Variants in PCDH7 observed in about 807,000 individuals in gnomAD.
The protein encoded by PCDH7 is protocadherin 7.
In PCDH7, 17 loss-of-function variants were observed where a neutral mutation model predicts 58.9. The ratio of observed to expected loss-of-function variants is 0.29; its 90% CI spans 0.20 to 0.43. The LOEUF is 0.43. Among genes scored for constraint, PCDH7 ranks in the 20% least tolerant of loss-of-function variants. The pLI is 1.00. For synonymous variants in PCDH7, 664 were observed against 616.4 expected (o/e 1.08, Z -1.14); for missense variants, 1,274 against 1,441.0 (o/e 0.88, Z 1.88).
At chr4:30,790,264 T>A (rs1394805616) in intron 1 of PCDH7, among the ~76,000 whole-genome samples, 3 of 152,178 alleles carry the variant, frequency 2.0e-5, no homozygotes, top group Admixed American at 6.5e-5. Context: ...CTCTTAATAT[T>A]CTTGTTAACC....
chr4:30,965,687 TA>T (rs1159120543), intron 3 of PCDH7, among the ~76,000 whole-genome samples: 1 of 151,970 alleles, frequency 6.6e-6, no homozygotes, highest in South Asian at 2.1e-4. Context: ...TTTAAAGAAA[TA>T]AAAAAGAGTA....
At chr4:30,872,463 G>T (rs1735743696) in intron 1 of PCDH7, among the ~76,000 whole-genome samples, 1 of 152,020 alleles carries the variant, frequency 6.6e-6, no homozygotes, top group African/African-American at 2.4e-5. Flanking sequence ...TATTGAATTT[G>T]ACCTGTGGGC....
chr4:31,134,516 G>A (rs1227041208), intron 3 of PCDH7, among the ~76,000 whole-genome samples: 2 of 151,996 alleles, frequency 1.3e-5, no homozygotes. Flanking sequence ...TTAGATCCTG[G>A]GTTATTGCTT....
chr4:30,807,395 A>T (rs971357153), intron 1 of PCDH7, among the ~76,000 whole-genome samples: 2 of 152,194 alleles, frequency 1.3e-5, no homozygotes, highest in African/African-American at 4.8e-5. Flanking sequence ...CGAAGCAATG[A>T]TACCTATTTT....
intron 3 of PCDH7, among the ~76,000 whole-genome samples, chr4:31,120,835 T>A (rs2109323327): frequency 6.6e-6 from 1 of 152,272 alleles, no homozygotes; most frequent in African/African-American, 2.4e-5. Flanking sequence ...TTGGTATCTG[T>A]TTCTTATTTT....
intron 3 of PCDH7, among the ~76,000 whole-genome samples, chr4:30,984,558 G>A (rs571299668): frequency 3.3e-5 from 5 of 152,104 alleles, no homozygotes; most frequent in Non-Finnish European, 7.4e-5. Flanking sequence ...TTCTGTGATC[G>A]TTACTGTAAG....
At chr4:31,146,360 A>C, downstream of PCDH7, 1 of 151,356 alleles carries the variant, frequency 6.6e-6, no homozygotes, top group Admixed American at 6.6e-5. Context: ...AAAATAAATA[A>C]ATAAATAAAT....
At chr4:30,938,341 T>G (rs938653793) in intron 2 of PCDH7, among the ~76,000 whole-genome samples, 4 of 152,170 alleles carry the variant, frequency 2.6e-5, no homozygotes, top group Non-Finnish European at 5.9e-5. Flanking sequence ...TATGCATTTC[T>G]AAACAAATTT....
chr4:30,725,104 G>T, intron 1 of PCDH7: 1 of 1,000,386 alleles, frequency 1.0e-6, no homozygotes. Context: ...TCATGCAGAT[G>T]TAGTACTAAG....
intron 3 of PCDH7, among the ~76,000 whole-genome samples, chr4:30,970,581 C>T (rs1188956210): frequency 6.6e-6 from 1 of 152,204 alleles, no homozygotes; most frequent in Non-Finnish European, 1.5e-5. Context: ...GCATAAGCCA[C>T]CGCTCCCGGC....
rs1051339740 is a variant in PCDH7, at chr4:31,097,938, A to G, written c.*8-44535A>G. On this transcript the variant is annotated intron_variant, in intron 3 of 3. Transcript: ENST00000509759. Reference sequence around the variant, plus strand: ...TTATCCTTTCTAAGGAAATATTTACATGCATCAAGATAAGGTGATTCTTAA... The same window carrying G: ...TTATCCTTTCTAAGGAAATATTTACGTGCATCAAGATAAGGTGATTCTTAA... 2.0e-5 allele frequency among the ~76,000 whole-genome samples: 3 copies of G among 152,212 alleles called. No individual in the cohort carries two copies. The East Asian group carries it at 5.8e-4, about 30-fold the overall frequency.
At chr4:30,978,505 T>G (rs1750272370) in intron 3 of PCDH7, among the ~76,000 whole-genome samples, 1 of 152,150 alleles carries the variant, frequency 6.6e-6, no homozygotes, top group South Asian at 2.1e-4. Context: ...AGTGCTGTGA[T>G]TTGGTGAGAA....
chr4:31,115,531 T>C (rs1296329081), intron 3 of PCDH7, among the ~76,000 whole-genome samples: 1 of 152,188 alleles, frequency 6.6e-6, no homozygotes, highest in Admixed American at 6.6e-5. Context: ...ATTTTTCAAG[T>C]TTCTCACGTA....
intron 3 of PCDH7, among the ~76,000 whole-genome samples, chr4:31,112,836 C>T (rs1716492948): frequency 6.6e-6 from 1 of 152,092 alleles, no homozygotes; most frequent in Non-Finnish European, 1.5e-5. Flanking sequence ...GAATTATTCC[C>T]TCTGCCCATC....
At chr4:31,117,927 A>G (rs1410535597) in intron 3 of PCDH7, among the ~76,000 whole-genome samples, 3 of 152,108 alleles carry the variant, frequency 2.0e-5, no homozygotes, top group Non-Finnish European at 2.9e-5. Context: ...GCTACGTTTT[A>G]TTTGTTTTTA....
chr4:30,892,089 T>C (rs187255070), intron 1 of PCDH7, among the ~76,000 whole-genome samples: 2 of 152,220 alleles, frequency 1.3e-5, no homozygotes, highest in Admixed American at 1.3e-4. Context: ...TCATGTTTAA[T>C]AACAGAAAGG....
At chr4:30,989,756 A>C (rs986742963) in intron 3 of PCDH7, among the ~76,000 whole-genome samples, 1 of 152,166 alleles carries the variant, frequency 6.6e-6, no homozygotes, top group Non-Finnish European at 1.5e-5. Flanking sequence ...GTTATGTTGT[A>C]TATTTCCAAC....
Position 31,115,071 on chromosome 4 carries a change from A to T in PCDH7, c.*8-27402A>T, listed in dbSNP as rs138533827. Among the ~76,000 whole-genome samples, 716 of 152,232 alleles carry T rather than the reference A, an allele frequency of 4.7e-3. 4 individuals are homozygous for T. The highest frequency in any genetic ancestry group is 7.2e-3 in the South Asian group (35 of 4,830). ...TGATTCAGTTTTGCTGTCACTTCTG[A>T]CCCGTTTCCCTCCCTCCTCCACTTT... On this transcript the variant is annotated intron_variant, in intron 3 of 3. Coordinates refer to the PCDH7 transcript ENST00000509759.
At chr4:30,848,696 A>G (rs1477921165) in intron 1 of PCDH7, among the ~76,000 whole-genome samples, 1 of 152,124 alleles carries the variant, frequency 6.6e-6, no homozygotes, top group Non-Finnish European at 1.5e-5. Context: ...AGCATTTAAG[A>G]CAGCATAGTT....
Sources: allele counts gnomAD v4.1 joint callset (sites outside exome capture counted in the v4.1 genomes callset), GRCh38; gene constraint gnomAD v4.1.1; transcripts MANE v1.5; gene names NCBI Gene and HGNC (gene_info 2026-07-23, HGNC 2026-07-21).